XIRP2: variants seen among roughly 807,000 people sequenced by gnomAD.
XIRP2 encodes the protein xin actin binding repeat containing 2, also known as xin actin-binding repeat-containing protein 2.
A neutral mutation model predicts 277.0 loss-of-function variants in XIRP2; 236 were observed. The ratio of observed to expected loss-of-function variants is 0.85; its 90% CI spans 0.77 to 0.95. The LOEUF is 0.95. Ranked by LOEUF, XIRP2 falls within the 40% of genes least tolerant of loss-of-function variation. XIRP2 has a pLI of 0.00. For missense variants in XIRP2, 4,640 were observed against 4,157.5 expected, an observed-to-expected ratio of 1.12 and a Z score of -3.19; for synonymous variants, 1,490 against 1,416.5, an observed-to-expected ratio of 1.05 and a Z score of -1.17.
chr2:166,898,259 T>C (rs761641260), intron 1 of XIRP2, among the ~76,000 whole-genome samples: 2 of 152,118 alleles, frequency 1.3e-5, no homozygotes, highest in African/African-American at 2.4e-5. Context: ...GATTCAGCTA[T>C]TTATCAAGGA....
intron 2 of XIRP2, among the ~76,000 whole-genome samples, chr2:167,051,114 CT>C (rs980593222): frequency 5.3e-5 from 8 of 152,044 alleles, no homozygotes; most frequent in Non-Finnish European, 8.8e-5. Flanking sequence ...TCATCTTCCC[CT>C]AGCACTCCTT....
intron 2 of XIRP2, among the ~76,000 whole-genome samples, chr2:167,021,236 A>G (rs1328365333): frequency 1.3e-5 from 2 of 152,094 alleles, no homozygotes; most frequent in Non-Finnish European, 2.9e-5. Context: ...TTGTTTGAAT[A>G]AATCGTCCCA....
chr2:167,154,804 G>A (rs1187123561), intron 3 of XIRP2, among the ~76,000 whole-genome samples: 5 of 152,028 alleles, frequency 3.3e-5, no homozygotes, highest in Non-Finnish European at 5.9e-5. Flanking sequence ...AATGAATCCA[G>A]GAGCTGGTTT....
chr2:167,225,620 A>G (rs989064398), intron 5 of XIRP2, among the ~76,000 whole-genome samples: 2 of 152,130 alleles, frequency 1.3e-5, no homozygotes, highest in Non-Finnish European at 2.9e-5. Context: ...GCAAATACTC[A>G]TGAACCTTCC....
chr2:166,973,933 T>C (rs1478260675), intron 2 of XIRP2, among the ~76,000 whole-genome samples: 4 of 152,220 alleles, frequency 2.6e-5, no homozygotes, highest in African/African-American at 9.7e-5. Context: ...TGTTATAAAA[T>C]GAATTTTAAA....
chr2:167,138,214 T>C (rs1411806439), intron 3 of XIRP2, among the ~76,000 whole-genome samples: 1 of 152,200 alleles, frequency 6.6e-6, no homozygotes, highest in Non-Finnish European at 1.5e-5. Context: ...TGTAGTAATA[T>C]GAAAAACAGT....
chr2:166,963,660 G>A (rs998912282), intron 2 of XIRP2, among the ~76,000 whole-genome samples: 2 of 151,746 alleles, frequency 1.3e-5, no homozygotes, highest in African/African-American at 4.8e-5. Flanking sequence ...AAGACACAAA[G>A]GCAGATGTGA....
At chr2:166,988,459 G>C (rs905302610) in intron 2 of XIRP2, among the ~76,000 whole-genome samples, 5 of 150,576 alleles carry the variant, frequency 3.3e-5, no homozygotes, top group Non-Finnish European at 5.9e-5. Flanking sequence ...TTAGTTGGAG[G>C]AGCCAAGATG....
At chr2:167,239,514 G>A (rs1337370799) in intron 5 of XIRP2, among the ~76,000 whole-genome samples, 1 of 152,208 alleles carries the variant, frequency 6.6e-6, no homozygotes, top group African/African-American at 2.4e-5. Flanking sequence ...TCTGATAGAG[G>A]CAAGGGCTGT....
At chr2:167,108,705 C>G (rs1314934040) in intron 2 of XIRP2, among the ~76,000 whole-genome samples, 1 of 151,964 alleles carries the variant, frequency 6.6e-6, no homozygotes, top group Non-Finnish European at 1.5e-5. Flanking sequence ...CAGAACACTG[C>G]TTATCCAACA....
At chr2:167,104,710 A>C (rs1348917021) in intron 2 of XIRP2, among the ~76,000 whole-genome samples, 2 of 152,070 alleles carry the variant, frequency 1.3e-5, no homozygotes, top group Non-Finnish European at 2.9e-5. Context: ...CACATGAAAT[A>C]GTTGTGTTTG....
intron 2 of XIRP2, among the ~76,000 whole-genome samples, chr2:167,077,058 C>T (rs1036906630): frequency 3.3e-5 from 5 of 151,978 alleles, no homozygotes; most frequent in African/African-American, 9.7e-5. Flanking sequence ...CGCTATGTTG[C>T]CCAGGCTGCT....
intron 2 of XIRP2, among the ~76,000 whole-genome samples, chr2:167,106,825 T>C (rs1020848472): frequency 5.3e-5 from 8 of 151,584 alleles, no homozygotes; most frequent in Non-Finnish European, 8.9e-5. Flanking sequence ...TTTCTCTCCA[T>C]TTATTTAGAT....
intron 2 of XIRP2, among the ~76,000 whole-genome samples, chr2:166,955,139 G>T (rs919944764): frequency 4.0e-5 from 6 of 151,700 alleles, no homozygotes; most frequent in Non-Finnish European, 8.8e-5. Flanking sequence ...TTTTTCATAA[G>T]AGACAAAAAT....
intron 5 of XIRP2, among the ~76,000 whole-genome samples, chr2:167,221,332 C>T (rs1170885018): frequency 2.6e-5 from 4 of 151,782 alleles, no homozygotes; most frequent in South Asian, 2.1e-4. Flanking sequence ...GGTGTGGTGG[C>T]GTATGCCTGT....
At chr2:166,919,523 A>G (rs1011410648) in intron 2 of XIRP2, among the ~76,000 whole-genome samples, 1 of 152,190 alleles carries the variant, frequency 6.6e-6, no homozygotes, top group African/African-American at 2.4e-5. Context: ...ACATGTTCTG[A>G]TTTCAATGTC....
At chr2:167,016,970 G>A (rs750550912) in intron 2 of XIRP2, among the ~76,000 whole-genome samples, 6 of 151,946 alleles carry the variant, frequency 3.9e-5, no homozygotes, top group Non-Finnish European at 7.4e-5. Context: ...AGGTAAACAT[G>A]GTGATGGATC....
At position 166,967,443 on chromosome 2, in the gene XIRP2, AATAG is replaced by A. The variant is rs1187203542; in HGVS notation, c.408+63557_408+63560del. On this transcript the variant is annotated intron_variant, in intron 2 of 10. Transcript: ENST00000409195. ...AAATGACATTGCTAAACCATATGTA[AATAG>A]ATATTGATTCTGTTTGTCAGCACAA... Among the ~76,000 whole-genome samples, 4 of 151,930 alleles carry A rather than the reference AATAG, an allele frequency of 2.6e-5. No individual in the cohort carries two copies. The South Asian group carries it at 6.2e-4, about 24-fold the overall frequency.
intron 3 of XIRP2, among the ~76,000 whole-genome samples, chr2:167,154,509 C>T (rs13388675): frequency 6.6e-6 from 1 of 151,086 alleles, no homozygotes. Context: ...ATGGTAACGC[C>T]TAGGTTTTCT....
Sources: gnomAD v4.1 joint callset for allele counts (sites outside exome capture counted in the v4.1 genomes callset) on GRCh38, gnomAD v4.1.1 for gene constraint, MANE v1.5 for transcripts, NCBI Gene and HGNC (gene_info 2026-07-23, HGNC 2026-07-21) for gene names.